The following GNB5 variants were observed in gnomAD, a reference collection of about 807,000 sequenced individuals.
GNB5 encodes G protein subunit beta 5.
A neutral mutation model predicts 55.3 loss-of-function variants in GNB5; 37 were observed. The observed-to-expected ratio is 0.67, with a 90% CI of 0.51 to 0.88. The LOEUF is 0.88. Ranked by LOEUF, GNB5 falls within the 40% of genes least tolerant of loss-of-function variation. GNB5 has a pLI of 0.00. For synonymous variants in GNB5, 219 were observed against 198.5 expected (o/e 1.10, Z -0.87); for missense variants, 476 against 515.3 (o/e 0.92, Z 0.74).
At chr15:52,136,400 C>T (rs998016638) in intron 7 of GNB5, among the ~76,000 whole-genome samples, 17 of 152,102 alleles carry the variant, frequency 1.1e-4, no homozygotes, top group Non-Finnish European at 2.1e-4. Flanking sequence ...TTCGATGCCT[C>T]CCACTGCTGT....
intron 7 of GNB5, chr15:52,136,846 C>A (rs1380709984): frequency 2.8e-6 from 1 of 362,088 alleles, no homozygotes; most frequent in African/African-American, 2.1e-5. Context: ...CTGTGTTAAA[C>A]AATTCTGGGA....
At chr15:52,181,905 AAC>A (rs1274181926) in intron 2 of GNB5, among the ~76,000 whole-genome samples, 6 of 151,706 alleles carry the variant, frequency 4.0e-5, no homozygotes, top group African/African-American at 1.5e-4. Context: ...ACATATAACA[AAC>A]ATGTTTATAA....
chr15:52,123,317 G>A (rs185955767), intron 12 of GNB5, among the ~76,000 whole-genome samples: 4 of 152,024 alleles, frequency 2.6e-5, no homozygotes, highest in South Asian at 2.1e-4. Flanking sequence ...GGGTTTGTTC[G>A]AAACCCTCCC....
At chr15:52,125,762 C>T (rs1419973388) in intron 11 of GNB5, 186 bp downstream of exon 11, 1 of 566,682 alleles carries the variant, frequency 1.8e-6, no homozygotes, top group South Asian at 2.3e-5. Flanking sequence ...AGTGAAGTTG[C>T]CTGGGGCAGG....
Position 52,115,533 on chromosome 15 carries a change from C to G in GNB5, c.*7224G>C, listed in dbSNP as rs945613985. 2 of 152,178 alleles carry G rather than the reference C, an allele frequency of 1.3e-5. No individual in the cohort carries two copies. The highest frequency in any genetic ancestry group is 4.8e-5 in the African/African-American group (2 of 41,446). The allele number at this position is 152,178 out of a possible 1,614,324, so 9.4% of individuals were successfully genotyped here. A position where few individuals can be genotyped will look rare whatever the true frequency, so the allele number is the denominator to read the frequency against. On this transcript the variant is annotated 3_prime_UTR_variant, in exon 13 of 13. Coordinates refer to ENST00000261837, the MANE Select transcript of GNB5 (RefSeq NM_016194.4). ...GTAAAAGGTTGTCACTCCACAGAAA[C>G]TTTTATTTGTAAATGGTAAATCCTC...
intron 4 of GNB5, among the ~76,000 whole-genome samples, chr15:52,151,295 C>T (rs918025101): frequency 2.6e-5 from 4 of 152,174 alleles, no homozygotes; most frequent in South Asian, 2.1e-4. Flanking sequence ...TCAGCGACCA[C>T]GTTAGGGGCT....
intron 12 of GNB5, among the ~76,000 whole-genome samples, chr15:52,124,005 C>CAAAAAAAAAAAAAAAA (rs56008657): frequency 1.2e-5 from 1 of 84,416 alleles, no homozygotes; most frequent in Non-Finnish European, 2.4e-5. Flanking sequence ...ATAGAAAAAC[C>CAAAAAAAAAAAAAAAA]AAAAAAAAAA....
intron 3 of GNB5, among the ~76,000 whole-genome samples, chr15:52,163,166 T>C (rs1357032763): frequency 6.6e-6 from 1 of 152,164 alleles, no homozygotes; most frequent in East Asian, 1.9e-4. Flanking sequence ...CCCACAGATC[T>C]TTGCAACCTG....
intron 3 of GNB5, among the ~76,000 whole-genome samples, chr15:52,163,102 G>A (rs956614662): frequency 2.0e-5 from 3 of 152,142 alleles, no homozygotes; most frequent in Non-Finnish European, 4.4e-5. Context: ...CCCGACCACC[G>A]GCCAAGGGAG....
At chr15:52,190,276 C>T (rs993835513) in intron 1 of GNB5, among the ~76,000 whole-genome samples, 1 of 152,024 alleles carries the variant, frequency 6.6e-6, no homozygotes, top group Non-Finnish European at 1.5e-5. Flanking sequence ...CGCCACCTCA[C>T]CCGGCTAATT....
rs941749712 is a variant in GNB5, at chr15:52,121,345, C to T, written c.*1412G>A. 1.3e-5 allele frequency: 2 copies of T among 152,162 alleles called. No individual in the cohort carries two copies. The highest frequency in any genetic ancestry group is 4.8e-5 in the African/African-American group (2 of 41,438). 9.4% of individuals were successfully genotyped at this position (152,162 alleles called of 1,614,324 possible). ...GTGTCTGAGGTGACCTTTTATTCCC[C>T]TAGGTGCATGCCATCTTTTTAAGTG... is the stretch of plus-strand genomic sequence containing the variant. On this transcript the variant is annotated 3_prime_UTR_variant, in exon 13 of 13. Transcript: ENST00000261837.
In GNB5 at chr15:52,119,470, A is replaced by G. The variant is rs1001149039; in HGVS notation, c.*3287T>C. On this transcript the variant is annotated 3_prime_UTR_variant, in exon 13 of 13. Coordinates refer to ENST00000261837, the MANE Select transcript of GNB5 (RefSeq NM_016194.4). ...AGGGAGGAGGAGATGGGAGGGAGGG[A>G]GGGGGAAATGGGAGAGAGGGAGGAG... is the stretch of plus-strand genomic sequence containing the variant. The G allele has an allele frequency of 4.2e-5, 2 of 47,874 alleles. No homozygotes were observed. Among genetic ancestry groups the G allele is most frequent in the Non-Finnish European group, 7.3e-5 (2 of 27,440 alleles). The allele number at this position is 47,874 out of a possible 1,614,324, so 3.0% of individuals were successfully genotyped here.
chr15:52,180,047 C>G, intron 2 of GNB5, 168 bp from the exon 3 acceptor site: 1 of 867,572 alleles, frequency 1.2e-6, no homozygotes, highest in Non-Finnish European at 1.5e-6. Context: ...AGCCCCAAGA[C>G]CCCGCACCTG....
At chr15:52,166,342 C>G (rs915067076) in intron 3 of GNB5, among the ~76,000 whole-genome samples, 1 of 152,140 alleles carries the variant, frequency 6.6e-6, no homozygotes. Context: ...TGAAGTGGAC[C>G]TGACAGATAT....
chr15:52,157,660 G>C (rs2034243133), intron 3 of GNB5, among the ~76,000 whole-genome samples: 1 of 152,086 alleles, frequency 6.6e-6, no homozygotes, highest in African/African-American at 2.4e-5. Context: ...TCAGCATTAG[G>C]ATAGCCATAG....
intron 3 of GNB5, among the ~76,000 whole-genome samples, chr15:52,165,790 C>A (rs2034439585): frequency 6.6e-6 from 1 of 152,102 alleles, no homozygotes; most frequent in African/African-American, 2.4e-5. Context: ...ACAAACAAGT[C>A]TGCAAAATAA....
intron 3 of GNB5, among the ~76,000 whole-genome samples, chr15:52,156,009 C>T (rs2034200289): frequency 6.6e-6 from 1 of 152,140 alleles, no homozygotes; most frequent in Non-Finnish European, 1.5e-5. Context: ...GTGATGATGG[C>T]TGGCAAGTGG....
intron 6 of GNB5, among the ~76,000 whole-genome samples, chr15:52,144,698 C>T (rs933795739): frequency 4.6e-5 from 7 of 152,052 alleles, no homozygotes; most frequent in Admixed American, 1.3e-4. Flanking sequence ...GGTATCTGCC[C>T]GAACTTCTAG....
At chr15:52,161,471 T>C (rs934093556) in intron 3 of GNB5, among the ~76,000 whole-genome samples, 5 of 152,180 alleles carry the variant, frequency 3.3e-5, no homozygotes, top group African/African-American at 1.2e-4. Flanking sequence ...CTAATTTTCG[T>C]ATTTTTTTTA....
Sources: allele counts gnomAD v4.1 joint callset (sites outside exome capture counted in the v4.1 genomes callset), GRCh38; gene constraint gnomAD v4.1.1; transcripts MANE v1.5; gene names NCBI Gene and HGNC (gene_info 2026-07-23, HGNC 2026-07-21).